MORC1: variants seen among roughly 807,000 people sequenced by gnomAD.
MORC1 encodes MORC family CW-type zinc finger 1.
MORC1 carries 59 observed loss-of-function variants against 134.9 expected under a neutral mutation model. That is an observed-to-expected ratio of 0.44 (90% confidence interval 0.35 to 0.54). MORC1 has a LOEUF of 0.54. Ranked by LOEUF, MORC1 falls within the 20% of genes least tolerant of loss-of-function variation. The pLI is 0.00. For synonymous variants in MORC1, 395 were observed against 391.7 expected, an observed-to-expected ratio of 1.01 and a Z score of -0.10; for missense variants, 947 against 1,134.5, an observed-to-expected ratio of 0.83 and a Z score of 2.37.
intron 1 of MORC1, among the ~76,000 whole-genome samples, chr3:109,115,638 A>C (rs2107812490): frequency 6.6e-6 from 1 of 152,336 alleles, no homozygotes; most frequent in African/African-American, 2.4e-5. Context: ...TTCAATACAT[A>C]AACAATCCTT....
intron 17 of MORC1, among the ~76,000 whole-genome samples, chr3:109,009,516 T>A (rs1044169246): frequency 6.6e-6 from 1 of 152,190 alleles, no homozygotes; most frequent in Non-Finnish European, 1.5e-5. Context: ...TTCCTACTTT[T>A]AAATCTATTT....
chr3:109,020,765 A>AAAAAGAAAAAAAC (rs1948939711), intron 17 of MORC1, among the ~76,000 whole-genome samples: 1 of 120,206 alleles, frequency 8.3e-6, no homozygotes, highest in Non-Finnish European at 1.7e-5. Flanking sequence ...ACTCTGTCTC[A>AAAAAGAAAAAAAC]AAAAAAAAAA....
rs1024703573 is a variant in MORC1 at position 109,089,023 on chromosome 3, T to G, written c.689+4413A>C. Among the ~76,000 whole-genome samples the G allele has an allele frequency of 2.0e-5, 3 of 152,060 alleles. 1 individual carries two copies. The highest frequency in any genetic ancestry group is 7.2e-5 in the African/African-American group (3 of 41,388). On this transcript the variant is annotated intron_variant, in intron 8 of 27. Transcript: ENST00000232603. ...GTGCAAGCTAAATAATGAGAACACA[T>G]GGACACACTGAAGGAAACAATAGAC...
intron 16 of MORC1, among the ~76,000 whole-genome samples, chr3:109,029,390 A>G (rs1234767968): frequency 3.3e-5 from 5 of 152,196 alleles, no homozygotes; most frequent in Non-Finnish European, 7.3e-5. Context: ...GAAGGAAGAA[A>G]CCTCAAGCAT....
chr3:109,045,205 A>T (rs1039557924), intron 14 of MORC1, among the ~76,000 whole-genome samples: 3 of 152,188 alleles, frequency 2.0e-5, no homozygotes, highest in Admixed American at 2.0e-4. Context: ...GTGGTTCTGC[A>T]TCTAAATAGA....
intron 17 of MORC1, among the ~76,000 whole-genome samples, chr3:109,012,707 ACTG>A (rs1948721700): frequency 6.6e-6 from 1 of 152,148 alleles, no homozygotes; most frequent in Non-Finnish European, 1.5e-5. Flanking sequence ...TCAATTTCCA[ACTG>A]TTTGCTAATA....
intron 14 of MORC1, among the ~76,000 whole-genome samples, chr3:109,045,321 C>A (rs1478123972): frequency 6.8e-6 from 1 of 146,186 alleles, no homozygotes; most frequent in African/African-American, 2.6e-5. Flanking sequence ...TTTGTCATTA[C>A]CCCTCTCATT....
At chr3:109,001,240 A>C (rs1948397670) in intron 20 of MORC1, among the ~76,000 whole-genome samples, 1 of 151,990 alleles carries the variant, frequency 6.6e-6, no homozygotes, top group Non-Finnish European at 1.5e-5. Flanking sequence ...TCAAGCAATT[A>C]TCCTACCTCA....
chr3:109,063,687 A>G (rs1305878063), intron 9 of MORC1, among the ~76,000 whole-genome samples: 1 of 152,166 alleles, frequency 6.6e-6, no homozygotes, highest in African/African-American at 2.4e-5. Context: ...AAATTACTAA[A>G]AGCACATTTT....
intron 13 of MORC1, 59 bp downstream of exon 13, chr3:109,057,284 G>C: frequency 6.5e-7 from 1 of 1,533,744 alleles, no homozygotes; most frequent in Non-Finnish European, 8.8e-7. Flanking sequence ...TCCACAGACA[G>C]AATCTTACTG....
At chr3:109,105,718 A>AAAGT (rs1318822769) in intron 3 of MORC1, among the ~76,000 whole-genome samples, 1 of 152,184 alleles carries the variant, frequency 6.6e-6, no homozygotes, top group Non-Finnish European at 1.5e-5. Flanking sequence ...AATATTTTAA[A>AAAGT]AAGTAAGTAA....
chr3:109,049,854 C>A (rs1398094796), intron 14 of MORC1, among the ~76,000 whole-genome samples: 1 of 152,138 alleles, frequency 6.6e-6, no homozygotes. Context: ...TCATCTGGCA[C>A]ATTTTGTTTC....
chr3:109,064,960 A>C (rs1950164018), intron 9 of MORC1, among the ~76,000 whole-genome samples: 1 of 152,142 alleles, frequency 6.6e-6, no homozygotes, highest in African/African-American at 2.4e-5. Flanking sequence ...AAAACTCAGA[A>C]GGCCTTCTGG....
chr3:109,040,386 G>GAAAGAAAA (rs1553753610), intron 14 of MORC1, among the ~76,000 whole-genome samples: 1 of 84,948 alleles, frequency 1.2e-5, no homozygotes, highest in African/African-American at 4.2e-5. Context: ...AAGAAAGAAA[G>GAAAGAAAA]AAAGAAAGAA....
At chr3:109,087,921 T>C (rs1357396604) in intron 8 of MORC1, among the ~76,000 whole-genome samples, 3 of 151,898 alleles carry the variant, frequency 2.0e-5, no homozygotes, top group African/African-American at 7.3e-5. Flanking sequence ...GAAATAAGGC[T>C]GCACACCTAC....
intron 21 of MORC1, among the ~76,000 whole-genome samples, chr3:108,992,359 C>G: frequency 6.6e-6 from 1 of 152,264 alleles, no homozygotes; most frequent in African/African-American, 2.4e-5. Context: ...AGTATACATC[C>G]TACTCTTTCC....
chr3:109,075,550 T>C (rs904724788), intron 8 of MORC1, among the ~76,000 whole-genome samples: 20 of 152,302 alleles, frequency 1.3e-4, no homozygotes, highest in Admixed American at 9.8e-4. Flanking sequence ...ATTTATTAAA[T>C]AGGGAATCCT....
At chr3:109,092,195 C>T (rs1950742280) in intron 8 of MORC1, among the ~76,000 whole-genome samples, 1 of 152,068 alleles carries the variant, frequency 6.6e-6, no homozygotes, top group Non-Finnish European at 1.5e-5. Context: ...ACAGTGGTTC[C>T]CAGCATTTGT....
intron 22 of MORC1, among the ~76,000 whole-genome samples, chr3:108,986,480 G>A (rs1352648045): frequency 3.3e-5 from 5 of 152,016 alleles, no homozygotes; most frequent in African/African-American, 4.8e-5. Context: ...GAAGAATCAC[G>A]AAAAGCAGAA....
Sources: gnomAD v4.1 joint callset for allele counts (sites outside exome capture counted in the v4.1 genomes callset) on GRCh38, gnomAD v4.1.1 for gene constraint, MANE v1.5 for transcripts, NCBI Gene and HGNC (gene_info 2026-07-23, HGNC 2026-07-21) for gene names.